Variants in ARHGAP22 observed in about 807,000 individuals in gnomAD.
The protein encoded by ARHGAP22 is rho GTPase-activating protein 22.
In ARHGAP22, 48 loss-of-function variants were observed where a neutral mutation model predicts 59.1. That is an observed-to-expected ratio of 0.81 (90% CI 0.64 to 1.03). The LOEUF is 1.03. ARHGAP22 is among the 50% of genes least tolerant of loss of function. ARHGAP22 has a pLI of 0.00. For missense variants in ARHGAP22, 1,015 were observed against 958.7 expected, an observed-to-expected ratio of 1.06 and a Z score of -0.78; for synonymous variants, 445 against 416.4, an observed-to-expected ratio of 1.07 and a Z score of -0.84.
chr10:48,654,822 CTTT>C (rs746683353), upstream of ARHGAP22, among the ~76,000 whole-genome samples: 5,714 of 72,298 alleles, frequency 0.079, 131 homozygotes, highest in East Asian at 0.16. Flanking sequence ...TTCTTTCTTT[CTTT>C]CTTCCTTCCT....
chr10:48,609,806 G>A (rs1003259415), upstream of ARHGAP22, among the ~76,000 whole-genome samples: 3 of 152,164 alleles, frequency 2.0e-5, no homozygotes, highest in African/African-American at 4.8e-5. Flanking sequence ...ATCTTTAGAG[G>A]AGTACGAGTT....
chr10:48,461,203 A>C (rs1363361967), intron 4 of ARHGAP22, among the ~76,000 whole-genome samples: 1 of 152,234 alleles, frequency 6.6e-6, no homozygotes, highest in Non-Finnish European at 1.5e-5. Context: ...AAACAAAAGA[A>C]GCCAAACCCC....
chr10:48,487,957 GCTA>G (rs773498916), intron 3 of ARHGAP22, among the ~76,000 whole-genome samples: 1 of 152,174 alleles, frequency 6.6e-6, no homozygotes, highest in Non-Finnish European at 1.5e-5. Context: ...TGTGGTTCCA[GCTA>G]CTAAGGAGTC....
chr10:48,534,994 T>C (rs980563536), intron 3 of ARHGAP22, among the ~76,000 whole-genome samples: 1 of 152,200 alleles, frequency 6.6e-6, no homozygotes, highest in Admixed American at 6.5e-5. Context: ...ACTAGGCCCA[T>C]CTGGTGTCTG....
intron 3 of ARHGAP22, among the ~76,000 whole-genome samples, chr10:48,526,209 A>G (rs180869342): frequency 1.6e-3 from 250 of 152,328 alleles, no homozygotes; most frequent in African/African-American, 5.7e-3. Flanking sequence ...GGCACGGAGC[A>G]GAAGAGTTAA....
intron 6 of ARHGAP22, 51 bp from the exon 7 acceptor site, chr10:48,454,212 G>A (rs1360397812): frequency 6.7e-7 from 1 of 1,498,170 alleles, no homozygotes; most frequent in East Asian, 2.3e-5. Flanking sequence ...GGCCCTGACT[G>A]TTCTCTGACT....
intron 2 of ARHGAP22, among the ~76,000 whole-genome samples, chr10:48,580,183 G>A (rs2059021065): frequency 6.6e-6 from 1 of 152,212 alleles, no homozygotes; most frequent in African/African-American, 2.4e-5. Context: ...CCCTGGTTCA[G>A]TTTAGATTGG....
At chr10:48,436,438 A>G in the ARHGAP22 span, 12 of 152,336 alleles carry the variant, frequency 7.9e-5, no homozygotes, top group East Asian at 1.7e-3. Context: ...GTTATTTCTG[A>G]AATACGTTGT....
At chr10:48,631,706 C>T (rs1215611393) in intron 1 of ARHGAP22, among the ~76,000 whole-genome samples, 1 of 152,162 alleles carries the variant, frequency 6.6e-6, no homozygotes, top group Non-Finnish European at 1.5e-5. Context: ...TGGTTATCTA[C>T]GTGTTATAAT....
the ARHGAP22 span, among the ~76,000 whole-genome samples, chr10:48,439,680 G>T: frequency 1.3e-5 from 2 of 152,132 alleles, no homozygotes; most frequent in South Asian, 4.2e-4. Flanking sequence ...CTTAAAATTG[G>T]GGTCTGTTTC....
chr10:48,471,242 A>G (rs921044745), intron 4 of ARHGAP22, among the ~76,000 whole-genome samples: 1 of 152,184 alleles, frequency 6.6e-6, no homozygotes, highest in Non-Finnish European at 1.5e-5. Flanking sequence ...GATGATGACC[A>G]CAGGCCTACT....
At chr10:48,453,992 C>T in intron 7 of ARHGAP22, 96 bp downstream of exon 7, 4 of 1,314,878 alleles carry the variant, frequency 3.0e-6, no homozygotes, top group South Asian at 1.2e-5. Flanking sequence ...ACCCGGGCCC[C>T]CCTCTGACAA....
chr10:48,615,759 T>C (rs1212484593), intron 1 of ARHGAP22, among the ~76,000 whole-genome samples: 3 of 152,136 alleles, frequency 2.0e-5, no homozygotes, highest in Non-Finnish European at 4.4e-5. Flanking sequence ...ATTGGGAGAA[T>C]GATGTATCAT....
chr10:48,592,796 A>T (rs948505542), intron 1 of ARHGAP22, among the ~76,000 whole-genome samples: 2 of 152,242 alleles, frequency 1.3e-5, no homozygotes, highest in Admixed American at 1.3e-4. Flanking sequence ...TGGATACCCC[A>T]TCCTCAGATA....
chr10:48,604,051 T>C (rs2060536623), intron 1 of ARHGAP22, among the ~76,000 whole-genome samples: 1 of 152,248 alleles, frequency 6.6e-6, no homozygotes, highest in Admixed American at 6.5e-5. Context: ...AAAATGACAC[T>C]TTCCGTGGCT....
chr10:48,608,151 G>A (rs2060746500), upstream of ARHGAP22, among the ~76,000 whole-genome samples: 1 of 152,218 alleles, frequency 6.6e-6, no homozygotes, highest in Non-Finnish European at 1.5e-5. Context: ...ACTGCACATG[G>A]GGTGTTTGCT....
upstream of ARHGAP22, among the ~76,000 whole-genome samples, chr10:48,609,086 G>A (rs2060783404): frequency 6.6e-6 from 1 of 152,190 alleles, no homozygotes; most frequent in African/African-American, 2.4e-5. Flanking sequence ...CAGTAAATCA[G>A]AGCTTAGATG....
At chr10:48,577,539 G>A (rs1564918740) in intron 2 of ARHGAP22, among the ~76,000 whole-genome samples, 1 of 152,108 alleles carries the variant, frequency 6.6e-6, no homozygotes, top group South Asian at 2.1e-4. Flanking sequence ...CTTCCTGGGG[G>A]CTACTCCTGA....
chr10:48,605,515 AT>A (rs2060638028), upstream of ARHGAP22, among the ~76,000 whole-genome samples: 1 of 152,178 alleles, frequency 6.6e-6, no homozygotes, highest in African/African-American at 2.4e-5. Flanking sequence ...GGTGACAGGA[AT>A]AAGAGGGCAG....
Sources: gnomAD v4.1 joint callset for allele counts (sites outside exome capture counted in the v4.1 genomes callset) on GRCh38, gnomAD v4.1.1 for gene constraint, MANE v1.5 for transcripts, NCBI Gene and HGNC (gene_info 2026-07-23, HGNC 2026-07-21) for gene names.